Variants in ECPAS observed in about 807,000 individuals in gnomAD.
The protein encoded by ECPAS is proteasome adapter and scaffold protein ECM29.
In ECPAS, 70 loss-of-function variants were observed where a neutral mutation model predicts 255.1. That is an observed-to-expected ratio of 0.27 (90% confidence interval 0.23 to 0.33). The LOEUF (loss-of-function observed/expected upper bound fraction) is 0.33, where lower values mean the gene tolerates loss of function less well. Among genes scored for constraint, ECPAS ranks in the 10% least tolerant of loss-of-function variants. The pLI is 1.00. For missense variants in ECPAS, 1,817 were observed against 2,206.4 expected, an observed-to-expected ratio of 0.82 and a Z score of 3.54; for synonymous variants, 784 against 775.0, an observed-to-expected ratio of 1.01 and a Z score of -0.19.
intron 17 of ECPAS, 37 bp downstream of exon 17, chr9:111,417,846 A>C: frequency 6.7e-7 from 1 of 1,498,292 alleles, no homozygotes; most frequent in Non-Finnish European, 8.9e-7. Context: ...ATCATCCATT[A>C]TGATTTAGAC....
At chr9:111,445,462 A>G (rs1249533865) in intron 3 of ECPAS, among the ~76,000 whole-genome samples, 2 of 152,012 alleles carry the variant, frequency 1.3e-5, no homozygotes, top group African/African-American at 4.8e-5. Context: ...AGTATCTGCT[A>G]TATCAAGAAA....
intron 2 of ECPAS, among the ~76,000 whole-genome samples, chr9:111,465,600 A>AATATAT (rs60965961): frequency 1.9e-4 from 28 of 148,920 alleles, no homozygotes; most frequent in African/African-American, 6.6e-4. Context: ...TTTTTAAAAG[A>AATATAT]ATATATATAT....
At chr9:111,473,251 A>T (rs1253161832) in intron 1 of ECPAS, among the ~76,000 whole-genome samples, 1 of 152,226 alleles carries the variant, frequency 6.6e-6, no homozygotes, top group Non-Finnish European at 1.5e-5. Context: ...CTGAAGACTT[A>T]AAATCTCTAA....
intron 1 of ECPAS, among the ~76,000 whole-genome samples, chr9:111,483,271 G>A (rs1175838808): frequency 6.6e-6 from 1 of 151,950 alleles, no homozygotes; most frequent in African/African-American, 2.4e-5. Context: ...GCTCCGCCCG[G>A]GGCTCCGGTT....
intron 10 of ECPAS, among the ~76,000 whole-genome samples, chr9:111,426,391 T>C (rs953489): frequency 0.5 from 74,962 of 150,894 alleles, 19,073 homozygotes; most frequent in Non-Finnish European, 0.56. Flanking sequence ...AAAAACTCTA[T>C]ACTCTTGTTC....
intron 44 of ECPAS, 43 bp from the exon 45 acceptor site, chr9:111,370,670 C>T: frequency 6.2e-7 from 1 of 1,605,190 alleles, no homozygotes. Flanking sequence ...ATAAAGGCTG[C>T]AGTTTTCGGG....
intron 2 of ECPAS, among the ~76,000 whole-genome samples, chr9:111,468,797 GA>G (rs1204610684): frequency 6.6e-6 from 1 of 151,438 alleles, no homozygotes; most frequent in Non-Finnish European, 1.5e-5. Context: ...ACAAAAATTG[GA>G]AATATCAGGC....
chr9:111,475,366 T>C (rs576739962), intron 1 of ECPAS, among the ~76,000 whole-genome samples: 1 of 152,362 alleles, frequency 6.6e-6, no homozygotes, highest in Non-Finnish European at 1.5e-5. Context: ...ACAAGGTCAA[T>C]GCTCCTGTGC....
chr9:111,415,457 T>C (rs2098201918), intron 18 of ECPAS, among the ~76,000 whole-genome samples: 1 of 152,002 alleles, frequency 6.6e-6, no homozygotes, highest in East Asian at 1.9e-4. Flanking sequence ...CCCAACACTT[T>C]GGGAGGCTGA....
intron 41 of ECPAS, among the ~76,000 whole-genome samples, chr9:111,372,862 C>A (rs1489890637): frequency 6.6e-6 from 1 of 151,878 alleles, no homozygotes; most frequent in Non-Finnish European, 1.5e-5. Context: ...CGAAACCCCA[C>A]CTATACAAAA....
At chr9:111,422,830 T>C (rs2098216162) in intron 13 of ECPAS, among the ~76,000 whole-genome samples, 1 of 152,058 alleles carries the variant, frequency 6.6e-6, no homozygotes. Flanking sequence ...AACACCATTC[T>C]CAGAAAAGAG....
At chr9:111,459,265 T>C (rs1177898536) in intron 2 of ECPAS, among the ~76,000 whole-genome samples, 1 of 152,168 alleles carries the variant, frequency 6.6e-6, no homozygotes, top group African/African-American at 2.4e-5. Flanking sequence ...TTTTTCTTTT[T>C]TGTATTTTTT....
chr9:111,443,382 C>G (rs2098248484), intron 4 of ECPAS, among the ~76,000 whole-genome samples: 1 of 152,148 alleles, frequency 6.6e-6, no homozygotes, highest in Non-Finnish European at 1.5e-5. Context: ...TCCCAAGTAG[C>G]TGGGACTACA....
chr9:111,390,040 G>C lies in ECPAS; in HGVS notation c.3223C>G (p.Leu1075Val), dbSNP rs749645960. Residue 1075 changes from leucine (L) to valine (V), a missense_variant, in exon 30 of 50, where the codon CTG becomes GTG. Transcript: ENST00000684092. ...GCTAAATTCATAAATTTATACACCA[G>C]ATCTGGCTGGCTAAGATCACTTGCC... ...SLASDLSQPDLVYKFMNLANH... is the reference protein window; with the variant it reads ...SLASDLSQPDVVYKFMNLANH... 2 of 1,602,784 alleles carry C rather than the reference G, an allele frequency of 1.2e-6. No homozygotes were observed. Among genetic ancestry groups the C allele is most frequent in the Non-Finnish European group, 1.7e-6 (2 of 1,171,804 alleles).
intron 23 of ECPAS, among the ~76,000 whole-genome samples, chr9:111,409,155 C>T (rs1466885723): frequency 6.6e-6 from 1 of 152,170 alleles, no homozygotes; most frequent in Non-Finnish European, 1.5e-5. Context: ...TACTCTCCGG[C>T]ACATTAGAAG....
chr9:111,405,949 G>T (rs2098183332), intron 24 of ECPAS, among the ~76,000 whole-genome samples: 1 of 149,590 alleles, frequency 6.7e-6, no homozygotes, highest in Non-Finnish European at 1.5e-5. Context: ...TGGGAAAACA[G>T]TATGAAGGTT....
chr9:111,377,820 C>G (rs1589120875), intron 36 of ECPAS, among the ~76,000 whole-genome samples: 1 of 152,182 alleles, frequency 6.6e-6, no homozygotes, highest in African/African-American at 2.4e-5. Context: ...TAACTTTTCA[C>G]AATAAATATG....
At chr9:111,369,500 C>T (rs2098124785) in intron 45 of ECPAS, among the ~76,000 whole-genome samples, 1 of 152,184 alleles carries the variant, frequency 6.6e-6, no homozygotes. Context: ...TAAATCCAAA[C>T]TCTTTCTTGA....
rs902473465 is a variant in ECPAS at position 111,423,370 on chromosome 9, C to T, written c.1216-122G>A. The T allele has an allele frequency of 3.4e-5, 23 of 683,510 alleles. No individual in the cohort carries two copies. The East Asian group carries it at 6.3e-4, about 19-fold the overall frequency. 42.3% of individuals were successfully genotyped at this position (683,510 alleles called of 1,614,324 possible). On this transcript the variant is annotated intron_variant, in intron 12 of 49. Transcript: ENST00000684092. ...TGCATTATTTTACTCCTTATTAAAC[C>T]TAGGTCTCACTCTGTCTAACTACAT... is the stretch of plus-strand genomic sequence containing the variant.
Sources: gnomAD v4.1 joint callset for allele counts (sites outside exome capture counted in the v4.1 genomes callset) on GRCh38, gnomAD v4.1.1 for gene constraint, MANE v1.5 for transcripts, NCBI Gene and HGNC (gene_info 2026-07-23, HGNC 2026-07-21) for gene names.